Variants in ASB3 observed in about 807,000 individuals in gnomAD.
The protein encoded by ASB3 is ankyrin repeat and SOCS box protein 3.
ASB3 carries 41 observed loss-of-function variants against 54.5 expected under a neutral mutation model. The ratio of observed to expected loss-of-function variants is 0.75; its 90% CI spans 0.59 to 0.98. The LOEUF (loss-of-function observed/expected upper bound fraction) is 0.98. Ranked by LOEUF, ASB3 falls within the 50% of genes least tolerant of loss-of-function variation. The pLI, the probability that ASB3 is intolerant of heterozygous loss-of-function variation, is 0.00. For synonymous variants in ASB3, 266 were observed against 221.2 expected (o/e 1.20, Z -1.80); for missense variants, 733 against 620.0 (o/e 1.18, Z -1.94).
chr2:53,732,286 G>C (rs913781566), intron 3 of ASB3, among the ~76,000 whole-genome samples: 4 of 151,158 alleles, frequency 2.6e-5, no homozygotes, highest in African/African-American at 9.7e-5. Context: ...AAAAATAACT[G>C]AAAATTAAAA....
intron 1 of ASB3, among the ~76,000 whole-genome samples, chr2:53,780,232 TG>T (rs1404234753): frequency 1.3e-5 from 2 of 152,182 alleles, no homozygotes; most frequent in Non-Finnish European, 2.9e-5. Flanking sequence ...CTGGTCAATC[TG>T]GTATCAGTGT....
chr2:53,714,673 C>T, intron 6 of ASB3, 92 bp from the exon 7 acceptor site: 1 of 1,275,594 alleles, frequency 7.8e-7, no homozygotes, highest in African/African-American at 1.5e-5. Flanking sequence ...TCAGAATTAC[C>T]AACTGATTCA....
At chr2:53,695,013 C>A (rs186153081) in intron 8 of ASB3, among the ~76,000 whole-genome samples, 2 of 151,618 alleles carry the variant, frequency 1.3e-5, no homozygotes, top group Non-Finnish European at 2.9e-5. Context: ...TTCAATTAGA[C>A]CCCCCCTACC....
chr2:53,693,744 A>C (rs1024712756), intron 9 of ASB3, 140 bp downstream of exon 9: 4 of 1,215,860 alleles, frequency 3.3e-6, no homozygotes, highest in Non-Finnish European at 4.4e-6. Context: ...TAACAACCCC[A>C]TCTTTTCCTC....
At chr2:53,677,432 T>C (rs1668138998) in intron 9 of ASB3, among the ~76,000 whole-genome samples, 1 of 152,156 alleles carries the variant, frequency 6.6e-6, no homozygotes, top group South Asian at 2.1e-4. Flanking sequence ...TTGTAACATG[T>C]TATAAATACC....
intron 9 of ASB3, among the ~76,000 whole-genome samples, chr2:53,672,161 G>T (rs1332323576): frequency 2.0e-5 from 3 of 152,132 alleles, no homozygotes; most frequent in African/African-American, 4.8e-5. Flanking sequence ...TCAAACTGGT[G>T]TTTCAAAATG....
At chr2:53,775,877 G>A (rs1043704691) in intron 1 of ASB3, among the ~76,000 whole-genome samples, 2 of 152,124 alleles carry the variant, frequency 1.3e-5, no homozygotes, top group African/African-American at 4.8e-5. Flanking sequence ...TTATTTGTAC[G>A]TAACTTTTTT....
intron 3 of ASB3, among the ~76,000 whole-genome samples, chr2:53,750,179 A>C (rs148281854): frequency 1.6e-4 from 25 of 152,240 alleles, no homozygotes; most frequent in Admixed American, 3.9e-4. Context: ...ATGTTCCACT[A>C]AACTTTATGG....
intron 8 of ASB3, among the ~76,000 whole-genome samples, chr2:53,698,651 A>AGGAT (rs774237894): frequency 1.2e-4 from 19 of 152,348 alleles, no homozygotes; most frequent in Non-Finnish European, 1.3e-4. Context: ...ATTAATAACA[A>AGGAT]GGATGGCCTT....
chr2:53,741,567 G>A (rs546979160), intron 3 of ASB3, among the ~76,000 whole-genome samples: 5 of 152,220 alleles, frequency 3.3e-5, no homozygotes, highest in South Asian at 2.1e-4. Flanking sequence ...ACTGCTCTAC[G>A]GTACCTAACT....
At chr2:53,737,193 C>T (rs1187270252) in intron 3 of ASB3, among the ~76,000 whole-genome samples, 1 of 151,998 alleles carries the variant, frequency 6.6e-6, no homozygotes, top group Non-Finnish European at 1.5e-5. Flanking sequence ...ACTGTGATTC[C>T]CGAGAGAAGT....
In ASB3 at chr2:53,695,738, T is replaced by C. The variant is rs573382463; in HGVS notation, c.1239-1724A>G. 5.3e-5 allele frequency among the ~76,000 whole-genome samples: 8 copies of C among 152,312 alleles called. No homozygotes were observed. In the South Asian group the frequency reaches 1.7e-3, roughly 32 times the overall value. ...TGTACAATCATAAACGAGTGACATT[T>C]AATCAACTAAATGCACAAATGACAT... On this transcript the variant is annotated intron_variant, in intron 8 of 9. Coordinates refer to ENST00000263634, the MANE Select transcript of ASB3 (RefSeq NM_016115.5).
intron 1 of ASB3, chr2:53,774,204 C>A (rs748112762): frequency 4.3e-6 from 7 of 1,613,846 alleles, no homozygotes; most frequent in Admixed American, 1.7e-5. Context: ...TAAAAGCATA[C>A]CTTGACTTCA....
At chr2:53,720,632 G>T (rs1558538211) in intron 5 of ASB3, among the ~76,000 whole-genome samples, 1 of 152,168 alleles carries the variant, frequency 6.6e-6, no homozygotes, top group African/African-American at 2.4e-5. Context: ...TAGCAATAAT[G>T]TTGGGAGATG....
chr2:53,689,915 C>T (rs1163287774), intron 9 of ASB3, among the ~76,000 whole-genome samples: 2 of 152,066 alleles, frequency 1.3e-5, no homozygotes, highest in African/African-American at 2.4e-5. Context: ...TAACTTTGAA[C>T]TCATTGCTAT....
At position 53,705,883 on chromosome 2, in the gene ASB3, G is replaced by C. The variant is rs1048344382; in HGVS notation, c.981-5355C>G. On this transcript the variant is annotated intron_variant, in intron 7 of 9. Transcript: ENST00000263634. ...AAAGCTAGTTGCCCAGAGAGGGACAGTATGAAAATATGAGTAGATGTTCCA... is the reference window on the plus strand; with the variant it reads ...AAAGCTAGTTGCCCAGAGAGGGACACTATGAAAATATGAGTAGATGTTCCA... Among the ~76,000 whole-genome samples the C allele has an allele frequency of 1.3e-5, 2 of 152,144 alleles. 1 individual carries two copies. Among genetic ancestry groups the C allele is most frequent in the African/African-American group, 4.8e-5 (2 of 41,430 alleles).
chr2:53,774,694 T>A, intron 1 of ASB3: 1 of 527,430 alleles, frequency 1.9e-6, no homozygotes, highest in Non-Finnish European at 3.1e-6. Flanking sequence ...GAAAGAAAAA[T>A]TCAAATTTTA....
intron 5 of ASB3, among the ~76,000 whole-genome samples, chr2:53,719,411 G>A (rs755843109): frequency 7.2e-5 from 11 of 152,084 alleles, no homozygotes; most frequent in South Asian, 2.1e-4. Flanking sequence ...AATCCAAAGC[G>A]CATCAGCCTA....
At chr2:53,703,682 T>C (rs17045123) in intron 7 of ASB3, among the ~76,000 whole-genome samples, 8,437 of 152,196 alleles carry the variant, frequency 0.055, 473 homozygotes, top group East Asian at 0.28. Context: ...TTTATAAAAG[T>C]AGATAAAAGT....
Sources: allele counts gnomAD v4.1 joint callset (sites outside exome capture counted in the v4.1 genomes callset), GRCh38; gene constraint gnomAD v4.1.1; transcripts MANE v1.5; gene names NCBI Gene and HGNC (gene_info 2026-07-23, HGNC 2026-07-21).